Variants in ALK observed in about 807,000 individuals in gnomAD.
The protein encoded by ALK is ALK tyrosine kinase receptor.
ALK carries 74 observed loss-of-function variants against 163.1 expected under a neutral mutation model. The ratio of observed to expected loss-of-function variants is 0.45; its 90% CI spans 0.38 to 0.55. The LOEUF is 0.55. ALK is among the 20% of genes least tolerant of loss of function. The probability of loss-of-function intolerance (pLI) is 0.00; values close to 1 mark genes in which losing one functional copy is unlikely to be tolerated. For missense variants in ALK, 2,063 were observed against 2,105.3 expected (o/e 0.98, Z 0.39); for synonymous variants, 960 against 843.2 (o/e 1.14, Z -2.40).
At chr2:29,588,183 T>C (rs1423157357) in intron 3 of ALK, among the ~76,000 whole-genome samples, 3 of 152,182 alleles carry the variant, frequency 2.0e-5, no homozygotes, top group Non-Finnish European at 4.4e-5. Flanking sequence ...CCATAAATTA[T>C]ACATTATCCT....
At chr2:29,306,667 GTGTT>G (rs1666517743) in intron 8 of ALK, among the ~76,000 whole-genome samples, 3 of 152,100 alleles carry the variant, frequency 2.0e-5, no homozygotes, top group African/African-American at 4.8e-5. Context: ...GTGTGTGTGT[GTGTT>G]TGTGTGTGTA....
At position 29,232,415 on chromosome 2, in the gene ALK, C is replaced by T. The variant is rs766322560; in HGVS notation, c.2521G>A (p.Ala841Thr). 1 of 1,614,250 alleles carries T rather than the reference C, an allele frequency of 6.2e-7. No homozygotes were observed. Among genetic ancestry groups the T allele is most frequent in the Non-Finnish European group, 8.5e-7 (1 of 1,180,044 alleles). Residue 841 changes from alanine to threonine, a missense_variant, in exon 15 of 29, where the codon GCA (alanine) becomes ACA (threonine). Physicochemically the swap from Ala to Thr is moderately conservative, Grantham distance 58. Around this residue, in one of 5 missense-constraint regions of ALK, gnomAD observed 575 missense variants for 626.6 expected, o/e 0.92. Transcript: ENST00000389048. ...TAGGCCCTGCCACCACCTCCGGCTG[C>T]AATGATCAGGGGCACCGGCACTCCA... ...KDGVPVPLII[A>T]AGGGGRAYGA...
At chr2:29,763,712 T>G (rs1028427780) in intron 1 of ALK, among the ~76,000 whole-genome samples, 2 of 152,068 alleles carry the variant, frequency 1.3e-5, no homozygotes, top group African/African-American at 4.8e-5. Context: ...CTATCAGCTT[T>G]GAGGGTAGTG....
intron 3 of ALK, among the ~76,000 whole-genome samples, chr2:29,644,226 C>A (rs1676805353): frequency 8.1e-6 from 1 of 123,448 alleles, no homozygotes; most frequent in Non-Finnish European, 1.6e-5. Flanking sequence ...GGAAGGGGAA[C>A]ATCACACACT....
chr2:29,673,934 G>T lies in ALK; in HGVS notation c.952+20916C>A, dbSNP rs1310206868. Reference sequence around the variant, plus strand: ...GATTCCTAGGTATTTTATTCTCTTTGAAGCAATTGTGAATGGGAGTTCACT... The same window carrying T: ...GATTCCTAGGTATTTTATTCTCTTTTAAGCAATTGTGAATGGGAGTTCACT... On this transcript the variant is annotated intron_variant, in intron 3 of 28. Transcript: ENST00000389048. Among the ~76,000 whole-genome samples, 5 of 146,940 alleles carry T rather than the reference G, an allele frequency of 3.4e-5. No individual in the cohort carries two copies. The East Asian group carries it at 1.0e-3, about 29-fold the overall frequency.
rs973933862 is a variant in ALK at position 29,383,235 on chromosome 2, T to A, written c.1282+497A>T. 5.9e-5 allele frequency among the ~76,000 whole-genome samples: 9 copies of A among 152,212 alleles called. No homozygotes were observed. The East Asian group carries it at 1.5e-3, about 26-fold the overall frequency. ...TGCCTATGTGTTCTCAAGGTAGATATCATTTTATACCAGCTCTTTGAAATT... is the reference window on the plus strand; with the variant it reads ...TGCCTATGTGTTCTCAAGGTAGATAACATTTTATACCAGCTCTTTGAAATT... On this transcript the variant is annotated intron_variant, in intron 5 of 28. Transcript: ENST00000389048.
intron 1 of ALK, among the ~76,000 whole-genome samples, chr2:29,810,542 G>C (rs1664731751): frequency 6.6e-6 from 1 of 152,050 alleles, no homozygotes; most frequent in African/African-American, 2.4e-5. Flanking sequence ...ACTTGTATTG[G>C]AGGGCCTGGG....
At chr2:29,728,683 G>C (rs552130818) in intron 1 of ALK, among the ~76,000 whole-genome samples, 3 of 152,176 alleles carry the variant, frequency 2.0e-5, no homozygotes, top group Non-Finnish European at 4.4e-5. Context: ...TAAAGGGAGT[G>C]GGGTAGGGTG....
rs1673000915 is a variant in ALK at position 29,527,914 on chromosome 2, T to C, written c.1154+4001A>G. Among the ~76,000 whole-genome samples, 3 of 151,932 alleles carry C rather than the reference T, an allele frequency of 2.0e-5. No individual in the cohort carries two copies. The South Asian group carries it at 6.2e-4, about 32-fold the overall frequency. On this transcript the variant is annotated intron_variant, in intron 4 of 28. Coordinates refer to ENST00000389048, the MANE Select transcript of ALK (RefSeq NM_004304.5). ...AAACCAACATGGAAAGGGGAGGAGG[T>C]TAGACTCCCGTATCTTCCGGGTCTA...
At chr2:29,601,388 A>G (rs1334360048) in intron 3 of ALK, among the ~76,000 whole-genome samples, 1 of 152,086 alleles carries the variant, frequency 6.6e-6, no homozygotes, top group East Asian at 1.9e-4. Flanking sequence ...TGCCTATCCT[A>G]AAGTATTAGG....
At chr2:29,677,510 A>G (rs1677920461) in intron 3 of ALK, among the ~76,000 whole-genome samples, 1 of 151,938 alleles carries the variant, frequency 6.6e-6, no homozygotes. Flanking sequence ...GGATTCTATC[A>G]ACTGCCTTTT....
At chr2:29,814,152 A>G (rs1426090952) in intron 1 of ALK, among the ~76,000 whole-genome samples, 1 of 152,172 alleles carries the variant, frequency 6.6e-6, no homozygotes, top group Non-Finnish European at 1.5e-5. Context: ...AAATGTTAAC[A>G]GCAACCCTAG....
At chr2:29,263,004 T>C (rs765355282) in intron 11 of ALK, among the ~76,000 whole-genome samples, 2 of 152,266 alleles carry the variant, frequency 1.3e-5, no homozygotes, top group African/African-American at 2.4e-5. Context: ...TGGTTATTTC[T>C]AACTTGGCTT....
intron 26 of ALK, among the ~76,000 whole-genome samples, chr2:29,203,535 C>T (rs1433916863): frequency 6.8e-5 from 5 of 73,882 alleles, no homozygotes; most frequent in South Asian, 4.8e-4. Flanking sequence ...CTTGCTCTGT[C>T]GCCCAGGCTA....
intron 3 of ALK, among the ~76,000 whole-genome samples, chr2:29,686,849 G>T (rs766623732): frequency 2.6e-5 from 4 of 152,220 alleles, no homozygotes; most frequent in Non-Finnish European, 4.4e-5. Context: ...CTTCTCAGGA[G>T]TCCAAGCTCC....
At chr2:29,585,625 C>G (rs147924232) in intron 3 of ALK, among the ~76,000 whole-genome samples, 2 of 152,154 alleles carry the variant, frequency 1.3e-5, no homozygotes, top group South Asian at 4.2e-4. Context: ...ACTGTGCCCA[C>G]CCTGTCAATT....
chr2:29,777,644 GAC>G (rs1229829521), intron 1 of ALK, among the ~76,000 whole-genome samples: 1 of 152,160 alleles, frequency 6.6e-6, no homozygotes, highest in Non-Finnish European at 1.5e-5. Flanking sequence ...TAAGATGAGG[GAC>G]AGACTGACTG....
At chr2:29,361,718 C>G (rs1668392558) in intron 5 of ALK, among the ~76,000 whole-genome samples, 1 of 152,148 alleles carries the variant, frequency 6.6e-6, no homozygotes. Flanking sequence ...ACAGGCTCTC[C>G]CAGGACTTCT....
intron 9 of ALK, chr2:29,286,283 T>C (rs1273618541): frequency 6.6e-6 from 1 of 152,220 alleles, no homozygotes; most frequent in Non-Finnish European, 1.5e-5. Context: ...TCCTCTGTGC[T>C]TGATGGAGGC....
Sources: gnomAD v4.1 joint callset for allele counts (sites outside exome capture counted in the v4.1 genomes callset) on GRCh38, gnomAD v4.1.1 for gene constraint, gnomAD v4.1.1 regional missense constraint, MANE v1.5 for transcripts, NCBI Gene and HGNC (gene_info 2026-07-23, HGNC 2026-07-21) for gene names.